Variants in ARHGEF40 observed in about 807,000 individuals in gnomAD.
ARHGEF40 encodes the protein Rho guanine nucleotide exchange factor 40.
Under a neutral mutation model 165.9 loss-of-function variants are expected in ARHGEF40, and 98 were observed. That is an observed-to-expected ratio of 0.59 (90% CI 0.50 to 0.70). The LOEUF is 0.70. Ranked by LOEUF, ARHGEF40 falls within the 30% of genes least tolerant of loss-of-function variation. The pLI is 0.00. For missense variants in ARHGEF40, 1,815 were observed against 1,968.0 expected (o/e 0.92, Z 1.47); for synonymous variants, 792 against 814.3 (o/e 0.97, Z 0.47).
Position 21,084,039 on chromosome 14 carries a change from C to T in ARHGEF40, c.3778C>T (p.Arg1260Cys), listed in dbSNP as rs573599814. The stretch of plus-strand genomic sequence containing the variant: ...AGACCTGCTGGCCGTGGAGGCGGTG[C>T]GTGGCTGTGAGGTGAGGCCCTAGCT... Reference protein sequence around the residue: ...GRDLLAVEAVRGCEIDLKEQG... With the variant: ...GRDLLAVEAVCGCEIDLKEQG... The change falls in exon 17 of 24, where the codon CGT becomes TGT. Residue 1260 changes from arginine (R) to cysteine (C), a missense_variant. Transcript: ENST00000298694. The T allele has an allele frequency of 5.0e-6, 8 of 1,607,228 alleles. No individual in the cohort carries two copies. The highest frequency in any genetic ancestry group is 3.4e-5 in the Admixed American group (2 of 59,424).
Position 21,082,138 on chromosome 14 carries a change from TG to T in ARHGEF40, c.3251+21del. 2 of 1,562,894 alleles carry T rather than the reference TG, an allele frequency of 1.3e-6. No individual in the cohort carries two copies. Among genetic ancestry groups the T allele is most frequent in the Non-Finnish European group, 1.7e-6 (2 of 1,152,782 alleles). On this transcript the variant is annotated intron_variant, in intron 14 of 23. Coordinates refer to ENST00000298694, the MANE Select transcript of ARHGEF40 (RefSeq NM_018071.5). The stretch of plus-strand genomic sequence containing the variant: ...GCATCAGGTGAGATCCCAGCCCAAC[TG>T]GTGCTAAGAGGCGGAGCCAACTGCC...
chr14:21,085,865 G>A lies in ARHGEF40; in HGVS notation c.4137G>A (p.Lys1379=). 6.2e-7 allele frequency: 1 copy of A among 1,613,876 alleles called. No individual in the cohort carries two copies. Among genetic ancestry groups the A allele is most frequent in the Non-Finnish European group, 8.5e-7 (1 of 1,180,038 alleles). Residue 1379 remains lysine, a splice_region_variant and synonymous_variant, in exon 19 of 24, where the codon AAG becomes AAA. Transcript: ENST00000298694. ...QLLWRQAAHN[K]ELRVQQMVSM... is the part of the protein sequence containing the mutation. ...TGTGGAGACAGGCAGCCCACAACAA[G>A]GGTACTGGGCAGAGCTGAGGAAGGG... is the stretch of plus-strand genomic sequence containing the variant.
At position 21,087,966 on chromosome 14, in the gene ARHGEF40, A is replaced by G. The variant is rs1888491035; in HGVS notation, c.4388-2A>G. On this transcript the variant is annotated splice_acceptor_variant, in intron 21 of 23. Transcript: ENST00000298694. LOFTEE classifies it high-confidence loss of function. ...CTGCTCTCACCCTAGCTTCCCCTTC[A>G]GCCCCAGAAACACTTGACTCTTCTG... The G allele has an allele frequency of 6.2e-7, 1 of 1,613,828 alleles. No homozygotes were observed. Among genetic ancestry groups the G allele is most frequent in the South Asian group, 1.1e-5 (1 of 91,094 alleles).
In ARHGEF40 at chr14:21,074,761, C is replaced by A. The variant is rs772205232; in HGVS notation, c.1031C>A (p.Ala344Asp). ...CCCCCAGCAGAGGCTGTGGGAGAAG[C>A]CTCCGGATCTTGCCCCCTGAGGCCA... Reference protein sequence around the residue: ...SEPPAEAVGEASGSCPLRPGE... With the variant: ...SEPPAEAVGEDSGSCPLRPGE... The change falls in exon 3 of 24, where the codon GCC (alanine) becomes GAC (aspartate). Residue 344 changes from alanine (A) to aspartate (D), a missense_variant. Transcript: ENST00000298694. The surrounding 1 kb of genome is among the most constrained non-coding windows in gnomAD (Gnocchi z 4.8). 6.2e-7 allele frequency: 1 copy of A among 1,609,722 alleles called. No homozygotes were observed. The highest frequency in any genetic ancestry group is 1.7e-5 in the Admixed American group (1 of 59,508).
In ARHGEF40 at chr14:21,073,255, G is replaced by A. The variant is rs1403794214; in HGVS notation, c.201+13G>A. 6.3e-7 allele frequency: 1 copy of A among 1,589,304 alleles called. No homozygotes were observed. Among genetic ancestry groups the A allele is most frequent in the Non-Finnish European group, 8.6e-7 (1 of 1,168,352 alleles). On this transcript the variant is annotated intron_variant, in intron 2 of 23. Coordinates refer to ENST00000298694, the MANE Select transcript of ARHGEF40 (RefSeq NM_018071.5). This position sits in a 1 kb window ranked among gnomAD's most constrained non-coding sequence, Gnocchi z 4.6. ...GCAGGAAGCCTGTGTGAGTGGCCGTGCATCACTATTCTGCCTTCCCCAAGA... is the reference window on the plus strand; with the variant it reads ...GCAGGAAGCCTGTGTGAGTGGCCGTACATCACTATTCTGCCTTCCCCAAGA...
At position 21,070,347 on chromosome 14, in the gene ARHGEF40, C is replaced by T. The variant is rs759555308; in HGVS notation, c.-50C>T. On this transcript the variant is annotated 5_prime_UTR_variant, in exon 1 of 24. Coordinates refer to ENST00000298694, the MANE Select transcript of ARHGEF40 (RefSeq NM_018071.5). The surrounding 1 kb of genome is among the most constrained non-coding windows in gnomAD (Gnocchi z 4.7). The stretch of plus-strand genomic sequence containing the variant: ...GCGGCGGGAGGGAGGCGGTGGCGCG[C>T]CCGGCCCCGCCCGCCCGACCAAGCG... The T allele has an allele frequency of 1.4e-5, 20 of 1,403,304 alleles. No individual in the cohort carries two copies. The South Asian group carries it at 2.9e-4, about 20-fold the overall frequency. The allele number at this position is 1,403,304 out of a possible 1,614,324, so 86.9% of individuals were successfully genotyped here.
At chr14:21,080,211 CA>C (rs1887773162) in intron 11 of ARHGEF40, among the ~76,000 whole-genome samples, 1 of 62,114 alleles carries the variant, frequency 1.6e-5, no homozygotes, top group Non-Finnish European at 4.3e-5. Context: ...CACACACACA[CA>C]CACACACACA....
chr14:21,070,096 G>C (rs1886565227), upstream of ARHGEF40, among the ~76,000 whole-genome samples: 1 of 151,950 alleles, frequency 6.6e-6, no homozygotes, highest in Non-Finnish European at 1.5e-5. This position sits in a 1 kb window ranked among gnomAD's most constrained non-coding sequence, Gnocchi z 4.7. Context: ...CCGGTGAACG[G>C]GACGGATAGG....
intron 20 of ARHGEF40, 27 bp downstream of exon 20, chr14:21,087,132 C>T: frequency 6.2e-7 from 1 of 1,603,504 alleles, no homozygotes; most frequent in Non-Finnish European, 8.5e-7. Context: ...TGGGGGGTGG[C>T]CCCCAGGAGT....
chr14:21,087,623 C>A, intron 21 of ARHGEF40, 160 bp downstream of exon 21: 1 of 1,039,572 alleles, frequency 9.6e-7, no homozygotes, highest in Non-Finnish European at 1.4e-6. Context: ...CATCTGGTTG[C>A]TAGGGTGATG....
In ARHGEF40 at chr14:21,089,426, G is replaced by T. The variant is rs571591565; in HGVS notation, c.*418G>T. ...GGAGTCCCTGGTGACTCCATTCTGAGGTGTCACAAGCAATGAAGCTATGCA... is the reference window on the plus strand; with the variant it reads ...GGAGTCCCTGGTGACTCCATTCTGATGTGTCACAAGCAATGAAGCTATGCA... On this transcript the variant is annotated 3_prime_UTR_variant, in exon 24 of 24. Transcript: ENST00000298694. 1 of 153,170 alleles carries T rather than the reference G, an allele frequency of 6.5e-6. No homozygotes were observed. The highest frequency in any genetic ancestry group is 1.5e-5 in the Non-Finnish European group (1 of 68,408). The allele number at this position is 153,170 out of a possible 1,614,324, so 9.5% of individuals were successfully genotyped here.
intron 1 of ARHGEF40, among the ~76,000 whole-genome samples, chr14:21,071,525 C>T (rs4982404): frequency 0.46 from 69,848 of 151,936 alleles, 16,878 homozygotes; most frequent in Non-Finnish European, 0.55. Context: ...AGAGCTGACT[C>T]AGTCTCTCTG....
intron 13 of ARHGEF40, 134 bp downstream of exon 13, chr14:21,081,150 G>T: frequency 7.2e-7 from 1 of 1,394,468 alleles, no homozygotes; most frequent in Non-Finnish European, 9.6e-7. Flanking sequence ...TCTTAGCTCT[G>T]CCACCTCCTT....
At chr14:21,064,957 G>A in the ARHGEF40 span, among the ~76,000 whole-genome samples, 8 of 152,136 alleles carry the variant, frequency 5.3e-5, no homozygotes, top group South Asian at 1.7e-3. Flanking sequence ...GATCACCTGA[G>A]ATCAGGAGTT....
chr14:21,076,668 G>C, intron 7 of ARHGEF40, 25 bp downstream of exon 7: 1 of 1,592,494 alleles, frequency 6.3e-7, no homozygotes, highest in Non-Finnish European at 8.6e-7. Flanking sequence ...TTCCCATCTA[G>C]TTTCCCATCA....
In ARHGEF40 at chr14:21,070,771, G is replaced by T; in HGVS notation, c.3+372G>T. 6.6e-7 allele frequency: 1 copy of T among 1,526,666 alleles called. No homozygotes were observed. The highest frequency in any genetic ancestry group is 1.2e-5 in the South Asian group (1 of 83,884). 94.6% of individuals were successfully genotyped at this position (1,526,666 alleles called of 1,614,324 possible). A position where few individuals can be genotyped will look rare whatever the true frequency, so the allele number is the denominator to read the frequency against. On this transcript the variant is annotated intron_variant, in intron 1 of 23. Coordinates refer to ENST00000298694, the MANE Select transcript of ARHGEF40 (RefSeq NM_018071.5). This position sits in a 1 kb window ranked among gnomAD's most constrained non-coding sequence, Gnocchi z 4.7. ...TCCTTACCCGCGGGAGACCCCTGCGGGTTGGTCCTGCAGCGACCCTGGAAG... is the reference window on the plus strand; with the variant it reads ...TCCTTACCCGCGGGAGACCCCTGCGTGTTGGTCCTGCAGCGACCCTGGAAG...
Position 21,084,036 on chromosome 14 carries a change from G to A in ARHGEF40, c.3775G>A (p.Val1259Met). 9 of 1,607,664 alleles carry A rather than the reference G, an allele frequency of 5.6e-6. No individual in the cohort carries two copies. Among genetic ancestry groups the A allele is most frequent in the Non-Finnish European group, 7.6e-6 (9 of 1,177,924 alleles). Residue 1259 changes from valine to methionine, a missense_variant, in exon 17 of 24, where the codon GTG becomes ATG. By Grantham distance (21) the Val-to-Met change is conservative. Coordinates refer to ENST00000298694, the MANE Select transcript of ARHGEF40 (RefSeq NM_018071.5). ...RGRDLLAVEAVRGCEIDLKEQ... is the reference protein window; with the variant it reads ...RGRDLLAVEAMRGCEIDLKEQ... The stretch of plus-strand genomic sequence containing the variant: ...CAGAGACCTGCTGGCCGTGGAGGCG[G>A]TGCGTGGCTGTGAGGTGAGGCCCTA...
At position 21,090,222 on chromosome 14, in the gene ARHGEF40, A is replaced by G. The variant is rs1431691834; in HGVS notation, c.*1214A>G. ...CCACCCTCACCCCTTGTACAAAAAT[A>G]AACTCTCACGCCTATGGACCAGCAA... On this transcript the variant is annotated 3_prime_UTR_variant, in exon 24 of 24. Transcript: ENST00000298694. This position sits in a 1 kb window ranked among gnomAD's most constrained non-coding sequence, Gnocchi z 4.4. 1 of 609,522 alleles carries G rather than the reference A, an allele frequency of 1.6e-6. No homozygotes were observed. The highest frequency in any genetic ancestry group is 3.1e-6 in the Non-Finnish European group (1 of 324,742). The allele number at this position is 609,522 out of a possible 1,614,324, so 37.8% of individuals were successfully genotyped here. A position where few individuals can be genotyped will look rare whatever the true frequency, so the allele number is the denominator to read the frequency against.
chr14:21,082,129 C>T lies in ARHGEF40; in HGVS notation c.3251+10C>T, dbSNP rs1422057001. On this transcript the variant is annotated intron_variant, in intron 14 of 23. Transcript: ENST00000298694. ...GCAAGCGAAGCATCAGGTGAGATCC[C>T]AGCCCAACTGGTGCTAAGAGGCGGA... 1 of 1,562,566 alleles carries T rather than the reference C, an allele frequency of 6.4e-7. No individual in the cohort carries two copies. Among genetic ancestry groups the T allele is most frequent in the Non-Finnish European group, 8.7e-7 (1 of 1,152,750 alleles).
Sources: gnomAD v4.1 joint callset for allele counts (sites outside exome capture counted in the v4.1 genomes callset) on GRCh38, gnomAD v4.1.1 for gene constraint, Gnocchi (gnomAD v3.1) non-coding constraint, MANE v1.5 for transcripts, NCBI Gene and HGNC (gene_info 2026-07-23, HGNC 2026-07-21) for gene names.